The following SP4 variants were observed in gnomAD, a reference collection of about 807,000 sequenced individuals.
The protein encoded by SP4 is Sp4 transcription factor.
Under a neutral mutation model 72.8 loss-of-function variants are expected in SP4, and 19 were observed. The observed-to-expected ratio is 0.26, with a 90% CI of 0.18 to 0.38. The LOEUF (loss-of-function observed/expected upper bound fraction) is 0.38, where lower values mean the gene tolerates loss of function less well. SP4 is among the 10% of genes least tolerant of loss of function. SP4 has a pLI of 1.00. For synonymous variants in SP4, 395 were observed against 333.1 expected (o/e 1.19, Z -2.02); for missense variants, 1,008 against 926.3 (o/e 1.09, Z -1.14).
At position 21,506,420 on chromosome 7, in the gene SP4, T is replaced by C. The variant is rs561782160; in HGVS notation, c.2108-4602T>C. On this transcript the variant is annotated intron_variant, in intron 5 of 5. Transcript: ENST00000222584. Reference sequence around the variant, plus strand: ...TTTTTTCCATTTAGGACATCCTCTCTTCAAATGCCCTGTCTTTCCACACTT... The same window carrying C: ...TTTTTTCCATTTAGGACATCCTCTCCTCAAATGCCCTGTCTTTCCACACTT... Among the ~76,000 whole-genome samples, 505 of 152,320 alleles carry C rather than the reference T, an allele frequency of 3.3e-3. 2 individuals are homozygous for C. The highest frequency in any genetic ancestry group is 5.5e-3 in the Non-Finnish European group (373 of 68,030).
In SP4 at chr7:21,511,135, A is replaced by G. The variant is rs953888218; in HGVS notation, c.2221A>G (p.Ile741Val). The G allele has an allele frequency of 6.2e-7, 1 of 1,614,210 alleles. No homozygotes were observed. The highest frequency in any genetic ancestry group is 8.5e-7 in the Non-Finnish European group (1 of 1,180,036). The change falls in exon 6 of 6, where the codon ATT (isoleucine) becomes GTT (valine). Residue 741 changes from isoleucine (I) to valine (V), a missense_variant. This residue lies in a region of SP4 where 67 missense variants were observed against 66.1 expected (regional missense o/e 1.01). Transcript: ENST00000222584. ...AAAAGGTGGTGGGACAGCTCTTGCC[A>G]TTGTTACCTCGGGAGAACTGGACTC... The part of the protein sequence containing the change: ...NKKGGGTALA[I>V]VTSGELDSSV...
intron 3 of SP4, among the ~76,000 whole-genome samples, chr7:21,459,507 C>T (rs913191578): frequency 1.3e-5 from 2 of 152,174 alleles, no homozygotes; most frequent in African/African-American, 4.8e-5. Flanking sequence ...GGGAAAGATA[C>T]TAACCATAAA....
chr7:21,470,263 A>G (rs1784294507), intron 3 of SP4, among the ~76,000 whole-genome samples: 1 of 152,226 alleles, frequency 6.6e-6, no homozygotes, highest in African/African-American at 2.4e-5. Flanking sequence ...TTGGTAGCCA[A>G]AGGACAAATG....
Position 21,477,060 on chromosome 7 carries a change from T to C in SP4, c.1679-19T>C, listed in dbSNP as rs762754275. Reference sequence around the variant, plus strand: ...GTGTAGAAAACATTACAATACTTCTTTTTTTTCTTCCTTTTTAGGTCAGCA... The same window carrying C: ...GTGTAGAAAACATTACAATACTTCTCTTTTTTCTTCCTTTTTAGGTCAGCA... On this transcript the variant is annotated intron_variant, in intron 3 of 5. Transcript: ENST00000222584. The C allele has an allele frequency of 1.3e-6, 2 of 1,590,038 alleles. No individual in the cohort carries two copies. Among genetic ancestry groups the C allele is most frequent in the Admixed American group, 1.7e-5 (1 of 59,618 alleles).
intron 5 of SP4, among the ~76,000 whole-genome samples, chr7:21,499,285 T>G (rs1345237481): frequency 6.6e-6 from 1 of 152,258 alleles, no homozygotes; most frequent in East Asian, 1.9e-4. Context: ...TTGAATTGTT[T>G]CTTCCAAAAA....
At chr7:21,447,200 T>A (rs1023235701) in intron 3 of SP4, among the ~76,000 whole-genome samples, 2 of 152,194 alleles carry the variant, frequency 1.3e-5, no homozygotes, top group African/African-American at 4.8e-5. Flanking sequence ...GGCCTGAGAT[T>A]CTCTAGCTTA....
intron 3 of SP4, among the ~76,000 whole-genome samples, chr7:21,437,168 G>C (rs768409561): frequency 2.0e-5 from 3 of 152,180 alleles, no homozygotes; most frequent in African/African-American, 4.8e-5. Flanking sequence ...CTTAACTTCA[G>C]ACAAATGAGC....
rs1348676234 is a variant in SP4 at position 21,484,479 on chromosome 7, TA to T, written c.2107+2357del. On this transcript the variant is annotated intron_variant, in intron 5 of 5. Coordinates refer to ENST00000222584, the MANE Select transcript of SP4 (RefSeq NM_003112.5). ...TAGGGATGCTCACCCTGTGTTAGTA[TA>T]GCGTCGCAATCCCTGAAAAAGTTAG... 2.9e-4 allele frequency among the ~76,000 whole-genome samples: 44 copies of T among 152,050 alleles called. 1 individual carries two copies. The highest frequency in any genetic ancestry group is 1.1e-3 in the African/African-American group (44 of 41,556).
intron 5 of SP4, among the ~76,000 whole-genome samples, chr7:21,487,576 T>C (rs1351220803): frequency 6.6e-6 from 1 of 152,328 alleles, no homozygotes; most frequent in East Asian, 1.9e-4. Flanking sequence ...TGTTTTGTTT[T>C]ACTGCATTTT....
intron 5 of SP4, among the ~76,000 whole-genome samples, chr7:21,503,324 C>G (rs775386739): frequency 5.9e-5 from 9 of 152,114 alleles, no homozygotes; most frequent in African/African-American, 2.2e-4. Context: ...TATAATGACT[C>G]GTAGAGGGGC....
At chr7:21,476,466 T>A (rs964157494) in intron 3 of SP4, among the ~76,000 whole-genome samples, 1 of 152,078 alleles carries the variant, frequency 6.6e-6, no homozygotes, top group Non-Finnish European at 1.5e-5. Flanking sequence ...AGTAATAATA[T>A]CTTAAATGTC....
intron 5 of SP4, among the ~76,000 whole-genome samples, chr7:21,487,316 A>G (rs1280789039): frequency 6.8e-6 from 1 of 146,130 alleles, no homozygotes; most frequent in Non-Finnish European, 1.5e-5. Context: ...AATGACTTGT[A>G]CTCTGGGTCA....
chr7:21,507,607 G>A (rs1040045163), intron 5 of SP4, among the ~76,000 whole-genome samples: 1 of 152,176 alleles, frequency 6.6e-6, no homozygotes, highest in Non-Finnish European at 1.5e-5. Context: ...CTCTTGTGAG[G>A]TTGGGGTTTT....
chr7:21,499,104 TAAG>T (rs1781800776), intron 5 of SP4, among the ~76,000 whole-genome samples: 1 of 149,544 alleles, frequency 6.7e-6, no homozygotes. Flanking sequence ...AAAAAACTGT[TAAG>T]AAAATCATAA....
chr7:21,503,918 G>A (rs532140039), intron 5 of SP4, among the ~76,000 whole-genome samples: 1 of 152,270 alleles, frequency 6.6e-6, no homozygotes, highest in African/African-American at 2.4e-5. Flanking sequence ...GGTCCCCATT[G>A]ACTCCATTTG....
intron 3 of SP4, among the ~76,000 whole-genome samples, chr7:21,458,354 G>A (rs545315146): frequency 3.9e-5 from 6 of 152,166 alleles, no homozygotes; most frequent in Admixed American, 2.0e-4. Flanking sequence ...CATCATGCCT[G>A]GCTAATTTTT....
intron 3 of SP4, among the ~76,000 whole-genome samples, chr7:21,474,892 G>T (rs1228287552): frequency 1.3e-5 from 2 of 152,204 alleles, no homozygotes; most frequent in South Asian, 2.1e-4. Context: ...TAATGTGCAT[G>T]TTAGTTATGG....
chr7:21,430,806 A>C lies in SP4; in HGVS notation c.1641A>C (p.Gln547His). The C allele has an allele frequency of 1.2e-6, 2 of 1,613,644 alleles. No individual in the cohort carries two copies. Among genetic ancestry groups the C allele is most frequent in the Non-Finnish European group, 1.7e-6 (2 of 1,179,624 alleles). ...CCAACCTGGGTGCTGCAGGTGTTCA[A>C]GTGCAGGGAGTTCCCGTTACAATCA... ...SVANLGAAGV[Q>H]VQGVPVTITS... The change falls in exon 3 of 6, where the codon CAA becomes CAC. Residue 547 changes from glutamine (Q) to histidine (H), a missense_variant. Transcript: ENST00000222584.
In SP4 at chr7:21,477,134, A is replaced by C. The variant is rs1784523510; in HGVS notation, c.1734A>C (p.Val578=). Residue 578 remains valine (V), a synonymous_variant, in exon 4 of 6, where the codon GTA becomes GTC. Coordinates refer to ENST00000222584, the MANE Select transcript of SP4 (RefSeq NM_003112.5). ...TCCAGCAAGCTACTATAGCTCCTGT[A>C]ACTGTAGCAGTTGGAGGAATTGCTA... ...VKVQQATIAP[V]TVAVGGIANA... The C allele has an allele frequency of 6.2e-7, 1 of 1,614,168 alleles. No individual in the cohort carries two copies. The highest frequency in any genetic ancestry group is 1.1e-5 in the South Asian group (1 of 91,084).
Sources: allele counts gnomAD v4.1 joint callset (sites outside exome capture counted in the v4.1 genomes callset), GRCh38; gene constraint gnomAD v4.1.1; regional missense constraint gnomAD v4.1.1; transcripts MANE v1.5; gene names NCBI Gene and HGNC (gene_info 2026-07-23, HGNC 2026-07-21).